Variants in ABL1 observed in about 807,000 individuals in gnomAD.
ABL1 encodes the protein tyrosine-protein kinase ABL1.
A neutral mutation model predicts 94.7 loss-of-function variants in ABL1; 11 were observed. The ratio of observed to expected loss-of-function variants is 0.12; its 90% CI spans 0.07 to 0.19. The LOEUF (loss-of-function observed/expected upper bound fraction) is 0.19, where lower values mean the gene tolerates loss of function less well. Among genes scored for constraint, ABL1 ranks in the 10% least tolerant of loss-of-function variants. The pLI, the probability that ABL1 is intolerant of heterozygous loss-of-function variation, is 1.00. For synonymous variants in ABL1, 656 were observed against 622.4 expected (o/e 1.05, Z -0.80); for missense variants, 1,082 against 1,489.4 (o/e 0.73, Z 4.50).
chr9:130,865,806 G>T (rs1019638949), intron 4 of ABL1, among the ~76,000 whole-genome samples: 33 of 151,460 alleles, frequency 2.2e-4, no homozygotes, highest in African/African-American at 7.8e-4. Flanking sequence ...CATGGCAGTG[G>T]CTAACATTCA....
At position 130,864,394 on chromosome 9, in the gene ABL1, G is replaced by A. The variant is rs150205732; in HGVS notation, c.822+1359G>A. On this transcript the variant is annotated intron_variant, in intron 4 of 10. Transcript: ENST00000318560. ...CGAGTAGCTGGGATTACAGGCACCC[G>A]CCACCACACCCAGCTAATTTTTGTA... Among the ~76,000 whole-genome samples, 522 of 152,080 alleles carry A rather than the reference G, an allele frequency of 3.4e-3. 3 individuals carry two copies. Among genetic ancestry groups the A allele is most frequent in the African/African-American group, 0.012 (495 of 41,458 alleles).
intron 1 of ABL1, among the ~76,000 whole-genome samples, chr9:130,772,015 A>G (rs981364496): frequency 2.0e-5 from 3 of 152,114 alleles, no homozygotes; most frequent in Non-Finnish European, 4.4e-5. Flanking sequence ...TGGCCTCCCA[A>G]AGTGCTGGGA....
At position 130,854,084 on chromosome 9, in the gene ABL1, G is replaced by A; in HGVS notation, c.100G>A (p.Ala34Thr). 2 of 1,613,646 alleles carry A rather than the reference G, an allele frequency of 1.2e-6. No individual in the cohort carries two copies. Among genetic ancestry groups the A allele is most frequent in the Non-Finnish European group, 1.7e-6 (2 of 1,179,844 alleles). The change falls in exon 2 of 11, where the codon GCA (alanine) becomes ACA (threonine). Residue 34 changes from alanine to threonine, a missense_variant. This residue lies in a region of ABL1 where 65 missense variants were observed against 80.8 expected (regional missense o/e 0.80). Transcript: ENST00000318560. Reference protein sequence around the residue: ...YLEEALQRPVASDFEPQGLSE... With the variant: ...YLEEALQRPVTSDFEPQGLSE... ...TCCAGAAGCCCTTCAGCGGCCAGTAGCATCTGACTTTGAGCCTCAGGGTCT... is the reference window on the plus strand; with the variant it reads ...TCCAGAAGCCCTTCAGCGGCCAGTAACATCTGACTTTGAGCCTCAGGGTCT...
At chr9:130,763,557 T>G (rs867441329) in intron 1 of ABL1, among the ~76,000 whole-genome samples, 1 of 152,206 alleles carries the variant, frequency 6.6e-6, no homozygotes, top group African/African-American at 2.4e-5. Context: ...CAGAGTCATT[T>G]GAAGGCTTAA....
At chr9:130,787,668 TC>T (rs1829848989) in intron 1 of ABL1, among the ~76,000 whole-genome samples, 1 of 152,152 alleles carries the variant, frequency 6.6e-6, no homozygotes, top group African/African-American at 2.4e-5. Flanking sequence ...CTCCCAGTCG[TC>T]GTCACGAGCA....
intron 1 of ABL1, among the ~76,000 whole-genome samples, chr9:130,756,982 G>A (rs1030657646): frequency 6.6e-6 from 1 of 152,196 alleles, no homozygotes; most frequent in Admixed American, 6.5e-5. Context: ...CTACACAGCT[G>A]TGCTCCAGAG....
At chr9:130,786,918 G>T (rs558005469) in intron 1 of ABL1, among the ~76,000 whole-genome samples, 2 of 147,708 alleles carry the variant, frequency 1.4e-5, no homozygotes, top group South Asian at 4.2e-4. Context: ...TTAAAATAAG[G>T]ACTAAATCAC....
intron 1 of ABL1, among the ~76,000 whole-genome samples, chr9:130,733,032 AT>A (rs2132697264): frequency 6.6e-6 from 1 of 152,320 alleles, no homozygotes; most frequent in South Asian, 2.1e-4. Context: ...AGTGTTTTTA[AT>A]AGAGATATTT....
intron 1 of ABL1, among the ~76,000 whole-genome samples, chr9:130,730,444 T>C (rs1316877795): frequency 6.6e-6 from 1 of 152,228 alleles, no homozygotes; most frequent in Non-Finnish European, 1.5e-5. Flanking sequence ...AAGCACCTTT[T>C]CATATGTTTA....
rs143435662 is a variant in ABL1, at chr9:130,746,118, C to G, written c.136+31663C>G. On this transcript the variant is annotated intron_variant, in intron 1 of 10. Transcript: ENST00000372348. ...CTAACAGTATGACCGCAGACACCAGCAAAACGTCCCACTGCTGCTTATTTC... is the reference window on the plus strand; with the variant it reads ...CTAACAGTATGACCGCAGACACCAGGAAAACGTCCCACTGCTGCTTATTTC... Among the ~76,000 whole-genome samples the G allele has an allele frequency of 4.4e-3, 663 of 152,268 alleles. 2 individuals carry two copies. Among genetic ancestry groups the G allele is most frequent in the African/African-American group, 0.015 (607 of 41,544 alleles).
In ABL1 at chr9:130,819,175, A is replaced by T. The variant is rs1830326398; in HGVS notation, c.137-34889A>T. Among the ~76,000 whole-genome samples the T allele has an allele frequency of 2.0e-5, 3 of 152,080 alleles. No homozygotes were observed. In the South Asian group the frequency reaches 6.2e-4, roughly 32 times the overall value. On this transcript the variant is annotated intron_variant, in intron 1 of 10. Coordinates refer to the ABL1 transcript ENST00000372348. The stretch of plus-strand genomic sequence containing the variant: ...GAGACCAGCCTGGCCAACATAGTGA[A>T]ACCCTGTCTCTATTAAAAATACAAA...
At chr9:130,854,009 T>A in intron 1 of ABL1, 55 bp from the exon 2 acceptor site, 1 of 1,540,032 alleles carries the variant, frequency 6.5e-7, no homozygotes, top group Admixed American at 2.2e-5. Flanking sequence ...AACTAATTTT[T>A]TCTCCCAATT....
intron 4 of ABL1, among the ~76,000 whole-genome samples, chr9:130,870,805 G>T (rs979928880): frequency 6.6e-6 from 1 of 152,194 alleles, no homozygotes; most frequent in Non-Finnish European, 1.5e-5. Flanking sequence ...CAGCCTCACG[G>T]AGCCCTGAGC....
At chr9:130,750,194 T>TAC (rs1390345136) in intron 1 of ABL1, among the ~76,000 whole-genome samples, 2 of 5,722 alleles carry the variant, frequency 3.5e-4, no homozygotes, top group South Asian at 0.011. Context: ...AAAAAATACA[T>TAC]ATATATATAT....
chr9:130,833,469 C>T (rs1346806240), upstream of ABL1, among the ~76,000 whole-genome samples: 1 of 152,152 alleles, frequency 6.6e-6, no homozygotes, highest in Non-Finnish European at 1.5e-5. Flanking sequence ...GCAGGCTGTC[C>T]AGCAGAATGA....
intron 1 of ABL1, among the ~76,000 whole-genome samples, chr9:130,772,133 T>A (rs1471820847): frequency 7.2e-5 from 11 of 152,226 alleles, no homozygotes. Context: ...GTGATTCTCT[T>A]GAAGCACAGT....
chr9:130,804,704 C>G (rs1333875655), intron 1 of ABL1, among the ~76,000 whole-genome samples: 5 of 152,174 alleles, frequency 3.3e-5, no homozygotes, highest in Non-Finnish European at 5.9e-5. Flanking sequence ...CGAGATCCTA[C>G]TGGACCTATA....
chr9:130,770,341 T>C (rs1269974010), intron 1 of ABL1, among the ~76,000 whole-genome samples: 1 of 152,132 alleles, frequency 6.6e-6, no homozygotes, highest in Non-Finnish European at 1.5e-5. Flanking sequence ...ACCCCATCTC[T>C]ACAAAAAATT....
chr9:130,725,382 T>C (rs1172907928), intron 1 of ABL1, among the ~76,000 whole-genome samples: 1 of 152,088 alleles, frequency 6.6e-6, no homozygotes, highest in East Asian at 1.9e-4. Flanking sequence ...TTTTGTTTGT[T>C]TGTTTGTTTG....
Sources: gnomAD v4.1 joint callset for allele counts (sites outside exome capture counted in the v4.1 genomes callset) on GRCh38, gnomAD v4.1.1 for gene constraint, gnomAD v4.1.1 regional missense constraint, MANE v1.5 for transcripts, NCBI Gene and HGNC (gene_info 2026-07-23, HGNC 2026-07-21) for gene names.